The following RNF169 variants were observed in gnomAD, a reference collection of about 807,000 sequenced individuals.
RNF169 encodes ring finger protein 169, also known as E3 ubiquitin-protein ligase RNF169.
RNF169 carries 24 observed loss-of-function variants against 53.9 expected under a neutral mutation model. The observed-to-expected ratio is 0.45, with a 90% CI of 0.32 to 0.63. RNF169 has a LOEUF of 0.63. RNF169 is among the 20% of genes least tolerant of loss of function. RNF169 has a pLI of 0.04. For synonymous variants in RNF169, 396 were observed against 363.5 expected (o/e 1.09, Z -1.02); for missense variants, 883 against 906.2 (o/e 0.97, Z 0.33).
chr11:74,808,000 T>C lies in RNF169; in HGVS notation c.577-2184T>C, dbSNP rs1167963271. 3 of 152,180 alleles carry C rather than the reference T, an allele frequency of 2.0e-5. No homozygotes were observed. In the East Asian group the frequency reaches 5.8e-4, roughly 29 times the overall value. The allele number at this position is 152,180 out of a possible 1,614,324, so 9.4% of individuals were successfully genotyped here. A position where few individuals can be genotyped will look rare whatever the true frequency, so the allele number is the denominator to read the frequency against. On this transcript the variant is annotated intron_variant, in intron 2 of 5. Coordinates refer to ENST00000299563, the MANE Select transcript of RNF169 (RefSeq NM_001098638.2). ...TAGCTAATGGTCTGTTAGCAGTGGC[T>C]CAGCATTGCGGTGAAAATGTTGTTT...
intron 1 of RNF169, among the ~76,000 whole-genome samples, chr11:74,785,952 T>C (rs1259301555): frequency 6.7e-6 from 1 of 150,126 alleles, no homozygotes; most frequent in Non-Finnish European, 1.5e-5. Context: ...TTTTTTTTTT[T>C]TTTTTTTGAG....
chr11:74,820,951 A>G (rs1004152702), intron 4 of RNF169, among the ~76,000 whole-genome samples: 1 of 152,158 alleles, frequency 6.6e-6, no homozygotes, highest in Non-Finnish European at 1.5e-5. Context: ...TCATCCTGCA[A>G]AATGTGTGAC....
chr11:74,779,363 G>A (rs2035383764), intron 1 of RNF169, among the ~76,000 whole-genome samples: 1 of 152,060 alleles, frequency 6.6e-6, no homozygotes, highest in Non-Finnish European at 1.5e-5. Context: ...ACCTAAGTGA[G>A]CAGCCTTAAA....
chr11:74,820,991 A>G lies in RNF169; in HGVS notation c.842+3277A>G, dbSNP rs182034207. Among the ~76,000 whole-genome samples the G allele has an allele frequency of 2.2e-3, 339 of 152,296 alleles. 4 individuals carry two copies. Among genetic ancestry groups the G allele is most frequent in the African/African-American group, 7.5e-3 (311 of 41,578 alleles). On this transcript the variant is annotated intron_variant, in intron 4 of 5. Coordinates refer to ENST00000299563, the MANE Select transcript of RNF169 (RefSeq NM_001098638.2). The stretch of plus-strand genomic sequence containing the variant: ...CTGTTTTACAGCAAAGGAAGCTGCA[A>G]TTCAAAGAGGTTAAGTGACTCACCC...
rs1373415106 is a variant in RNF169, at chr11:74,834,695, G to C, written c.862G>C (p.Glu288Gln). Reference sequence around the variant, plus strand: ...TTTTAGGAAGCTAAACTCCAAGGTGGAAAGGAGTCAGAGCTGTAGTGACAC... The same window carrying C: ...TTTTAGGAAGCTAAACTCCAAGGTGCAAAGGAGTCAGAGCTGTAGTGACAC... ...FLAGKLNSKVERSQSCSDTAQ... is the reference protein window; with the variant it reads ...FLAGKLNSKVQRSQSCSDTAQ... Residue 288 changes from glutamate to glutamine, a missense_variant, in exon 5 of 6, where the codon GAA (glutamate) becomes CAA (glutamine). Glu to Gln is a conservative substitution (Grantham distance 29). Coordinates refer to ENST00000299563, the MANE Select transcript of RNF169 (RefSeq NM_001098638.2). 1 of 1,612,436 alleles carries C rather than the reference G, an allele frequency of 6.2e-7. No homozygotes were observed. Among genetic ancestry groups the C allele is most frequent in the South Asian group, 1.1e-5 (1 of 90,730 alleles).
chr11:74,820,277 C>T (rs954252101), intron 4 of RNF169, among the ~76,000 whole-genome samples: 7 of 152,130 alleles, frequency 4.6e-5, no homozygotes, highest in Admixed American at 2.0e-4. Context: ...TGAGTAAAAT[C>T]AGTTGGCTCT....
chr11:74,805,623 A>G (rs568054058), intron 2 of RNF169, among the ~76,000 whole-genome samples: 4 of 152,304 alleles, frequency 2.6e-5, no homozygotes, highest in South Asian at 2.1e-4. Context: ...TCTGATGACC[A>G]TGGGGTAAGC....
At chr11:74,779,471 A>T (rs2035385239) in intron 1 of RNF169, among the ~76,000 whole-genome samples, 1 of 152,140 alleles carries the variant, frequency 6.6e-6, no homozygotes, top group Admixed American at 6.5e-5. Flanking sequence ...GTAAACTGTT[A>T]CTTGTCTTAG....
intron 3 of RNF169, among the ~76,000 whole-genome samples, chr11:74,816,130 A>G (rs1400274019): frequency 2.0e-5 from 3 of 152,218 alleles, no homozygotes; most frequent in African/African-American, 7.2e-5. Context: ...TGTGCCTGTC[A>G]GCCTAGAGAA....
At chr11:74,781,883 G>C (rs773348848) in intron 1 of RNF169, among the ~76,000 whole-genome samples, 1 of 152,116 alleles carries the variant, frequency 6.6e-6, no homozygotes, top group Non-Finnish European at 1.5e-5. Flanking sequence ...GTAAAATGTG[G>C]ATAACCATAG....
intron 1 of RNF169, among the ~76,000 whole-genome samples, chr11:74,763,041 A>C (rs1016002914): frequency 2.0e-5 from 3 of 152,208 alleles, no homozygotes; most frequent in African/African-American, 7.2e-5. Flanking sequence ...AATCTTCCCT[A>C]TTACACAAGG....
intron 2 of RNF169, among the ~76,000 whole-genome samples, chr11:74,809,116 GTGTT>G (rs2035841440): frequency 6.6e-6 from 1 of 151,196 alleles, no homozygotes; most frequent in Non-Finnish European, 1.5e-5. Flanking sequence ...CTGTTTTTGT[GTGTT>G]TGTTTTGTTT....
At chr11:74,831,678 T>C (rs1010436071) in intron 4 of RNF169, 5 of 133,828 alleles carry the variant, frequency 3.7e-5, no homozygotes, top group Non-Finnish European at 8.0e-5. Context: ...GGATCCCAAA[T>C]AGTTAAAACA....
rs146489275 is a variant in RNF169, at chr11:74,778,820, T to C, written c.503-10806T>C. ...CATAGACAAGGAATGAATTTCTGAGTTGGCCACTCCCAGATTCCCTAGCTT... is the reference window on the plus strand; with the variant it reads ...CATAGACAAGGAATGAATTTCTGAGCTGGCCACTCCCAGATTCCCTAGCTT... On this transcript the variant is annotated intron_variant, in intron 1 of 5. Coordinates refer to ENST00000299563, the MANE Select transcript of RNF169 (RefSeq NM_001098638.2). 7.0e-3 allele frequency among the ~76,000 whole-genome samples: 1,060 copies of C among 152,292 alleles called. 16 individuals carry two copies. Among genetic ancestry groups the C allele is most frequent in the African/African-American group, 0.024 (992 of 41,562 alleles).
intron 4 of RNF169, among the ~76,000 whole-genome samples, chr11:74,828,051 T>C (rs1451742481): frequency 3.9e-5 from 6 of 152,202 alleles, no homozygotes; most frequent in African/African-American, 1.4e-4. Context: ...CTGTCTTTGT[T>C]TGCAGATGAC....
At position 74,840,673 on chromosome 11, in the gene RNF169, C is replaced by T. The variant is rs1248754173; in HGVS notation, c.*3943C>T. 1 of 151,810 alleles carries T rather than the reference C, an allele frequency of 6.6e-6. No homozygotes were observed. Among genetic ancestry groups the T allele is most frequent in the Admixed American group, 6.6e-5 (1 of 15,238 alleles). The allele number at this position is 151,810 out of a possible 1,614,324, so 9.4% of individuals were successfully genotyped here. Reference sequence around the variant, plus strand: ...CCTGCCTAACTTTTCATTGAAATGTCTAGTAGGAGAGTGAGAAAAGAGAAC... The same window carrying T: ...CCTGCCTAACTTTTCATTGAAATGTTTAGTAGGAGAGTGAGAAAAGAGAAC... On this transcript the variant is annotated 3_prime_UTR_variant, in exon 6 of 6. Coordinates refer to ENST00000299563, the MANE Select transcript of RNF169 (RefSeq NM_001098638.2).
chr11:74,784,148 A>G (rs2035455003), intron 1 of RNF169, among the ~76,000 whole-genome samples: 1 of 152,220 alleles, frequency 6.6e-6, no homozygotes, highest in South Asian at 2.1e-4. Flanking sequence ...TTTTACCTAT[A>G]ATATTATACT....
chr11:74,793,278 T>C (rs1031456184), intron 2 of RNF169, among the ~76,000 whole-genome samples: 1 of 152,180 alleles, frequency 6.6e-6, no homozygotes, highest in African/African-American at 2.4e-5. Context: ...AGTGATATAG[T>C]GATTTCTAAA....
chr11:74,802,707 G>T (rs1250883486), intron 2 of RNF169, among the ~76,000 whole-genome samples: 1 of 152,098 alleles, frequency 6.6e-6, no homozygotes, highest in Non-Finnish European at 1.5e-5. Context: ...GTCATTTTTG[G>T]TCAAGACTAT....
Sources: gnomAD v4.1 joint callset for allele counts (sites outside exome capture counted in the v4.1 genomes callset) on GRCh38, gnomAD v4.1.1 for gene constraint, MANE v1.5 for transcripts, NCBI Gene and HGNC (gene_info 2026-07-23, HGNC 2026-07-21) for gene names.